ANKRD11: variants seen among roughly 807,000 people sequenced by gnomAD.
ANKRD11 encodes the protein ankyrin repeat domain 11.
Under a neutral mutation model 195.7 loss-of-function variants are expected in ANKRD11, and 17 were observed. The observed-to-expected ratio is 0.09, with a 90% CI of 0.06 to 0.13. The LOEUF is 0.13. Ranked by LOEUF, ANKRD11 falls within the 10% of genes least tolerant of loss-of-function variation. The pLI is 1.00. For missense variants in ANKRD11, 3,735 were observed against 3,566.1 expected (o/e 1.05, Z -1.21); for synonymous variants, 1,953 against 1,528.1 (o/e 1.28, Z -6.49).
At chr16:89,455,348 T>C (rs2056386450) in intron 1 of ANKRD11, among the ~76,000 whole-genome samples, 1 of 152,148 alleles carries the variant, frequency 6.6e-6, no homozygotes, top group African/African-American at 2.4e-5. Context: ...TGGGTGCTGT[T>C]AGGGTTCCTC....
chr16:89,301,018 G>A (rs576832215), intron 4 of ANKRD11: 20 of 601,700 alleles, frequency 3.3e-5, no homozygotes, highest in Non-Finnish European at 4.2e-5. Flanking sequence ...GAGAAACAGC[G>A]GGGCAGGAGG....
chr16:89,280,658 G>T lies in ANKRD11; in HGVS notation c.5884C>A (p.Leu1962Met). 6.2e-7 allele frequency: 1 copy of T among 1,613,492 alleles called. No homozygotes were observed. Among genetic ancestry groups the T allele is most frequent in the East Asian group, 2.2e-5 (1 of 44,874 alleles). The stretch of plus-strand genomic sequence containing the variant: ...GGGTTTTCAGAGGTGCCCCCGATCA[G>T]GCTAGAGGCAAGCGCCTGCTCGGAG... ...HPSEQALASS[L>M]IGGTSENPVS... is the part of the protein sequence containing the mutation. Residue 1962 changes from leucine (L) to methionine (M), a missense_variant, in exon 9 of 13, where the codon CTG becomes ATG. Leu to Met is a conservative substitution (Grantham distance 15). Transcript: ENST00000301030.
chr16:89,324,543 G>A (rs1309016573), intron 2 of ANKRD11: 1 of 456,038 alleles, frequency 2.2e-6, no homozygotes, highest in South Asian at 1.5e-5. Context: ...TTGAGTCAGT[G>A]GACGGGGAGA....
At chr16:89,375,072 A>G (rs1249164615) in intron 2 of ANKRD11, among the ~76,000 whole-genome samples, 3 of 152,090 alleles carry the variant, frequency 2.0e-5, no homozygotes, top group Non-Finnish European at 4.4e-5. Context: ...CGTTCAGCAG[A>G]GGGAAACGTA....
At chr16:89,404,864 A>G (rs1415342148) in intron 2 of ANKRD11, among the ~76,000 whole-genome samples, 2 of 152,258 alleles carry the variant, frequency 1.3e-5, no homozygotes, top group African/African-American at 4.8e-5. Flanking sequence ...ACCACTGTAA[A>G]TCACACTATT....
At chr16:89,343,179 C>T (rs142909770) in intron 2 of ANKRD11, among the ~76,000 whole-genome samples, 42 of 152,166 alleles carry the variant, frequency 2.8e-4, no homozygotes, top group African/African-American at 8.7e-4. Context: ...TTAGTGGAGA[C>T]GGGGTTTCAC....
At chr16:89,300,817 C>T (rs1196241703) in intron 4 of ANKRD11, 1 of 698,822 alleles carries the variant, frequency 1.4e-6, no homozygotes, top group Non-Finnish European at 2.6e-6. Context: ...GTGTCATTCA[C>T]AGGTCAAAGC....
intron 1 of ANKRD11, among the ~76,000 whole-genome samples, chr16:89,453,348 GA>G (rs375151886): frequency 4.4e-4 from 67 of 152,252 alleles, no homozygotes; most frequent in African/African-American, 1.5e-3. Context: ...ACTTAAAATG[GA>G]AGAGGAATCC....
chr16:89,278,745 C>G lies in ANKRD11; in HGVS notation c.7470+327G>C, dbSNP rs887425917. 4 of 536,650 alleles carry G rather than the reference C, an allele frequency of 7.5e-6. No individual in the cohort carries two copies. In the African/African-American group the frequency reaches 7.6e-5, roughly 10 times the overall value. The allele number at this position is 536,650 out of a possible 1,614,324, so 33.2% of individuals were successfully genotyped here. On this transcript the variant is annotated intron_variant, in intron 9 of 12. Coordinates refer to ENST00000301030, the MANE Select transcript of ANKRD11 (RefSeq NM_013275.6). ...GCTCTCGTGAGGCCGTCCTGGTGGACGGGGAGTGGAGAGGGGAGAGTGAGC... is the reference window on the plus strand; with the variant it reads ...GCTCTCGTGAGGCCGTCCTGGTGGAGGGGGAGTGGAGAGGGGAGAGTGAGC...
At chr16:89,444,464 G>T (rs374621409) in intron 1 of ANKRD11, among the ~76,000 whole-genome samples, 20 of 152,012 alleles carry the variant, frequency 1.3e-4, no homozygotes, top group Non-Finnish European at 2.2e-4. Context: ...CGGTCGGGGG[G>T]GTGGAGTGGA....
chr16:89,275,050 AGCCCTG>A (rs1466159790), intron 10 of ANKRD11, 37 bp downstream of exon 10: 1 of 1,612,656 alleles, frequency 6.2e-7, no homozygotes, highest in Admixed American at 1.7e-5. Context: ...CGCCGTGAAA[AGCCCTG>A]GCCGTGGCGC....
At chr16:89,342,990 T>C (rs866885835) in intron 2 of ANKRD11, among the ~76,000 whole-genome samples, 4 of 152,188 alleles carry the variant, frequency 2.6e-5, no homozygotes, top group African/African-American at 9.7e-5. Flanking sequence ...ATAAAGACTA[T>C]GTACTCATGT....
intron 1 of ANKRD11, among the ~76,000 whole-genome samples, chr16:89,479,885 G>A (rs899088260): frequency 2.0e-5 from 3 of 150,200 alleles, no homozygotes; most frequent in African/African-American, 7.4e-5. Context: ...GGAGCTTGCA[G>A]TGAGCCGAGA....
At chr16:89,351,033 G>A (rs946479855) in intron 2 of ANKRD11, among the ~76,000 whole-genome samples, 2 of 152,148 alleles carry the variant, frequency 1.3e-5, no homozygotes, top group Admixed American at 6.5e-5. Context: ...ACCTAACAAC[G>A]CATTTCTCAG....
At position 89,401,716 on chromosome 16, in the gene ANKRD11, G is replaced by C. The variant is rs113680582; in HGVS notation, c.-60+16568C>G. On this transcript the variant is annotated intron_variant, in intron 2 of 12. Transcript: ENST00000301030. ...GCAGATGATCCAGGTGAGATCGCTA[G>C]GGTGGGCCCTCACCCCACAGAACTA... 9.8e-3 allele frequency among the ~76,000 whole-genome samples: 1,487 copies of C among 152,226 alleles called. 28 individuals carry two copies. Among genetic ancestry groups the C allele is most frequent in the African/African-American group, 0.033 (1,386 of 41,516 alleles).
At chr16:89,275,865 C>T (rs2033611298) in intron 9 of ANKRD11, among the ~76,000 whole-genome samples, 1 of 152,202 alleles carries the variant, frequency 6.6e-6, no homozygotes, top group Non-Finnish European at 1.5e-5. Flanking sequence ...TGAGGCCTCA[C>T]ACTCTTGGAG....
chr16:89,413,080 G>A (rs2042161683), intron 2 of ANKRD11, among the ~76,000 whole-genome samples: 1 of 152,174 alleles, frequency 6.6e-6, no homozygotes, highest in Non-Finnish European at 1.5e-5. Context: ...GAGGGAGTAG[G>A]AGGGGGCGCC....
intron 3 of ANKRD11, among the ~76,000 whole-genome samples, chr16:89,315,355 C>T (rs957288965): frequency 6.6e-6 from 1 of 152,250 alleles, no homozygotes; most frequent in Non-Finnish European, 1.5e-5. Context: ...TATCCCAACA[C>T]TCTGACTGCT....
intron 2 of ANKRD11, among the ~76,000 whole-genome samples, chr16:89,371,072 A>C (rs1321304690): frequency 6.6e-6 from 1 of 152,158 alleles, no homozygotes. Context: ...TGTTCAGGTG[A>C]GAAACGTTCA....
Sources: allele counts gnomAD v4.1 joint callset (sites outside exome capture counted in the v4.1 genomes callset), GRCh38; gene constraint gnomAD v4.1.1; transcripts MANE v1.5; gene names NCBI Gene and HGNC (gene_info 2026-07-23, HGNC 2026-07-21).